CTNNA2: variants seen among roughly 807,000 people sequenced by gnomAD.
CTNNA2 encodes catenin alpha-2.
Under a neutral mutation model 101.0 loss-of-function variants are expected in CTNNA2, and 42 were observed. That is an observed-to-expected ratio of 0.42 (90% CI 0.32 to 0.54). CTNNA2 has a LOEUF of 0.54. CTNNA2 is among the 20% of genes least tolerant of loss of function. CTNNA2 has a pLI of 0.14. For missense variants in CTNNA2, 871 were observed against 1,223.1 expected (o/e 0.71, Z 4.29); for synonymous variants, 450 against 456.4 (o/e 0.99, Z 0.18).
At chr2:79,338,312 G>T (rs1411903418) in intron 3 of CTNNA2, among the ~76,000 whole-genome samples, 6 of 151,658 alleles carry the variant, frequency 4.0e-5, no homozygotes, top group Non-Finnish European at 1.5e-5. Flanking sequence ...GTGTGTGCTT[G>T]TGTGTAAAGG....
intron 1 of CTNNA2, among the ~76,000 whole-genome samples, chr2:79,527,744 A>C (rs1188732148): frequency 6.6e-6 from 1 of 152,164 alleles, no homozygotes; most frequent in Non-Finnish European, 1.5e-5. Flanking sequence ...CTAATTTGGA[A>C]AACAGTTTGG....
chr2:79,511,783 G>T (rs540633447), upstream of CTNNA2, among the ~76,000 whole-genome samples: 1 of 152,066 alleles, frequency 6.6e-6, no homozygotes, highest in Admixed American at 6.6e-5. Context: ...GAAGCAAAAG[G>T]GGGGAGGGAA....
intron 2 of CTNNA2, among the ~76,000 whole-genome samples, chr2:79,264,112 G>A (rs975284745): frequency 2.6e-5 from 4 of 152,094 alleles, no homozygotes; most frequent in East Asian, 3.9e-4. Context: ...AACTCAGGAC[G>A]AAAATAATAT....
intron 7 of CTNNA2, among the ~76,000 whole-genome samples, chr2:80,301,123 A>C (rs1676265570): frequency 1.3e-5 from 2 of 152,036 alleles, no homozygotes; most frequent in South Asian, 4.2e-4. Context: ...TCTGCCCCTA[A>C]AGTCTCTTGC....
intron 4 of CTNNA2, among the ~76,000 whole-genome samples, chr2:79,502,521 T>C (rs1347041144): frequency 1.3e-5 from 2 of 152,194 alleles, no homozygotes; most frequent in Admixed American, 6.5e-5. Flanking sequence ...AGAGAAGTAC[T>C]AGAATCCTCA....
intron 2 of CTNNA2, among the ~76,000 whole-genome samples, chr2:79,699,450 T>A (rs1573718168): frequency 6.6e-6 from 1 of 152,054 alleles, no homozygotes; most frequent in African/African-American, 2.4e-5. Context: ...TATTAGCTAC[T>A]TATTATAAAC....
At chr2:79,632,357 A>C (rs902790874) in intron 1 of CTNNA2, among the ~76,000 whole-genome samples, 5 of 152,214 alleles carry the variant, frequency 3.3e-5, no homozygotes, top group Non-Finnish European at 7.4e-5. Context: ...TGGAATATTC[A>C]GTTTGTCTAA....
intron 2 of CTNNA2, among the ~76,000 whole-genome samples, chr2:79,306,134 C>G (rs991154209): frequency 1.3e-5 from 2 of 151,420 alleles, no homozygotes; most frequent in Non-Finnish European, 2.9e-5. Context: ...ACATCAGGCA[C>G]AGGAAGATAA....
chr2:79,727,699 G>GTA (rs1469881925), intron 2 of CTNNA2, among the ~76,000 whole-genome samples: 1 of 149,430 alleles, frequency 6.7e-6, no homozygotes, highest in Non-Finnish European at 1.5e-5. Flanking sequence ...TTAGCATTAG[G>GTA]TATATCTCCT....
chr2:79,609,147 G>A (rs1678101602), intron 1 of CTNNA2, among the ~76,000 whole-genome samples: 1 of 151,818 alleles, frequency 6.6e-6, no homozygotes, highest in Non-Finnish European at 1.5e-5. Flanking sequence ...TGCATAATCT[G>A]TACACCAAAA....
At chr2:79,933,428 A>C (rs1053930334) in intron 7 of CTNNA2, among the ~76,000 whole-genome samples, 1 of 151,768 alleles carries the variant, frequency 6.6e-6, no homozygotes, top group Non-Finnish European at 1.5e-5. Context: ...GCTGAAATTC[A>C]AATCTAGATC....
intron 6 of CTNNA2, among the ~76,000 whole-genome samples, chr2:79,907,718 A>C (rs1685523332): frequency 6.6e-6 from 1 of 152,222 alleles, no homozygotes; most frequent in Admixed American, 6.5e-5. Flanking sequence ...CAAATGTAAG[A>C]ATGATCATCT....
At chr2:79,482,418 A>G (rs1671118977) in intron 4 of CTNNA2, among the ~76,000 whole-genome samples, 1 of 152,218 alleles carries the variant, frequency 6.6e-6, no homozygotes, top group African/African-American at 2.4e-5. Flanking sequence ...ACAATGTACT[A>G]GGGATTTGGA....
intron 7 of CTNNA2, among the ~76,000 whole-genome samples, chr2:80,262,766 T>C (rs570605471): frequency 6.6e-6 from 1 of 152,296 alleles, no homozygotes; most frequent in Admixed American, 6.5e-5. Context: ...ATCCCTGCTG[T>C]CTTGTTGGCT....
chr2:80,069,933 C>A (rs911596132), intron 7 of CTNNA2, among the ~76,000 whole-genome samples: 2 of 152,202 alleles, frequency 1.3e-5, no homozygotes, highest in Non-Finnish European at 2.9e-5. Context: ...GTACTTCTGT[C>A]TGGAATGTGT....
chr2:80,423,773 T>A (rs891338564), intron 9 of CTNNA2, among the ~76,000 whole-genome samples: 9 of 151,816 alleles, frequency 5.9e-5, no homozygotes, highest in African/African-American at 2.2e-4. Flanking sequence ...GAAGAATAAG[T>A]GGGTTTAGTT....
intron 2 of CTNNA2, among the ~76,000 whole-genome samples, chr2:79,227,958 T>A (rs777266391): frequency 3.7e-4 from 56 of 152,190 alleles, no homozygotes; most frequent in Non-Finnish European, 1.2e-4. Flanking sequence ...TACAATCACG[T>A]ACATTCAATG....
chr2:79,351,709 G>T (rs1677392080), intron 3 of CTNNA2, among the ~76,000 whole-genome samples: 1 of 152,202 alleles, frequency 6.6e-6, no homozygotes, highest in African/African-American at 2.4e-5. Flanking sequence ...TTCTGTGTTA[G>T]TTCACTTATG....
chr2:80,502,248 C>T (rs981076752), intron 9 of CTNNA2, among the ~76,000 whole-genome samples: 2 of 152,148 alleles, frequency 1.3e-5, no homozygotes, highest in Non-Finnish European at 2.9e-5. Flanking sequence ...TTTGACTTTT[C>T]TCCTCCAGGA....
Sources: allele counts gnomAD v4.1 joint callset (sites outside exome capture counted in the v4.1 genomes callset), GRCh38; gene constraint gnomAD v4.1.1; transcripts MANE v1.5; gene names NCBI Gene and HGNC (gene_info 2026-07-23, HGNC 2026-07-21).